Variants in TRIM69 observed in about 807,000 individuals in gnomAD.
TRIM69 encodes the protein E3 ubiquitin-protein ligase TRIM69.
Under a neutral mutation model 37.7 loss-of-function variants are expected in TRIM69, and 29 were observed. The ratio of observed to expected loss-of-function variants is 0.77; its 90% CI spans 0.57 to 1.05. The LOEUF is 1.05. Ranked by LOEUF, TRIM69 falls within the 50% of genes least tolerant of loss-of-function variation. TRIM69 has a pLI of 0.00. For synonymous variants in TRIM69, 209 were observed against 212.4 expected (o/e 0.98, Z 0.14); for missense variants, 596 against 579.9 (o/e 1.03, Z -0.28).
At chr15:44,740,488 AT>A (rs1465595571) in intron 1 of TRIM69, among the ~76,000 whole-genome samples, 1 of 152,240 alleles carries the variant, frequency 6.6e-6, no homozygotes, top group Non-Finnish European at 1.5e-5. Flanking sequence ...TTTGAAAAGA[AT>A]TTAGATGAAT....
chr15:44,759,985 C>A, intron 6 of TRIM69, 113 bp downstream of exon 6: 1 of 1,265,824 alleles, frequency 7.9e-7, no homozygotes, highest in Non-Finnish European at 1.1e-6. Context: ...GGAAGGGGTA[C>A]AGTTTGGCCA....
rs751577272 is a variant in TRIM69 at position 44,736,728 on chromosome 15, T to TC, written c.6+18_6+19insC. ...TCATGGAGGTGAGTGACCCTTTTTT[T>TC]TTTTAACTTAGCAGGGCTTCTAGGA... On this transcript the variant is annotated intron_variant, in intron 1 of 6. Coordinates refer to ENST00000329464, the MANE Select transcript of TRIM69 (RefSeq NM_182985.5). The TC allele has an allele frequency of 2.7e-5, 43 of 1,612,178 alleles. No homozygotes were observed. In the South Asian group the frequency reaches 4.6e-4, roughly 17 times the overall value.
At chr15:44,759,983 T>A in intron 6 of TRIM69, 111 bp downstream of exon 6, 1 of 1,313,774 alleles carries the variant, frequency 7.6e-7, no homozygotes, top group Non-Finnish European at 1.0e-6. Context: ...AGGGAAGGGG[T>A]ACAGTTTGGC....
At chr15:44,753,072 C>T (rs1329729976) in intron 1 of TRIM69, 1 of 152,110 alleles carries the variant, frequency 6.6e-6, no homozygotes, top group Non-Finnish European at 1.5e-5. Context: ...TTGGACTTTA[C>T]CTATGTAGCT....
At chr15:44,748,907 G>A (rs1188513336) in intron 1 of TRIM69, among the ~76,000 whole-genome samples, 1 of 150,930 alleles carries the variant, frequency 6.6e-6, no homozygotes, top group Non-Finnish European at 1.5e-5. Context: ...TTGAGATAGG[G>A]TCTTACTTTG....
chr15:44,744,629 T>C (rs1239881233), intron 1 of TRIM69, among the ~76,000 whole-genome samples: 3 of 152,132 alleles, frequency 2.0e-5, no homozygotes, highest in Non-Finnish European at 4.4e-5. Flanking sequence ...GTAAAATAAC[T>C]TTTTAACACT....
chr15:44,750,950 C>CTT lies in TRIM69; in HGVS notation c.7-3928_7-3927dup, dbSNP rs71111890. On this transcript the variant is annotated intron_variant, in intron 1 of 6. Transcript: ENST00000329464. ...TTCTATTTTGTTTCTTTTCTTTTGC[C>CTT]TTTTTTTTTTTTTTTTTTTTTTTGA... 2.4e-3 allele frequency among the ~76,000 whole-genome samples: 80 copies of CTT among 33,574 alleles called. 2 individuals carry two copies. The highest frequency in any genetic ancestry group is 6.1e-3 in the African/African-American group (50 of 8,194). The allele number at this position is 33,574 out of a possible 152,430, so 22.0% of individuals were successfully genotyped here.
intron 1 of TRIM69, among the ~76,000 whole-genome samples, chr15:44,740,398 T>G (rs1566887265): frequency 6.6e-6 from 1 of 152,212 alleles, no homozygotes; most frequent in Non-Finnish European, 1.5e-5. Flanking sequence ...TTTGACAAGT[T>G]GAGAGAAGAA....
intron 1 of TRIM69, 45 bp downstream of exon 1, chr15:44,736,755 T>G (rs374660357): frequency 6.8e-5 from 108 of 1,599,294 alleles, no homozygotes; most frequent in Admixed American, 1.4e-4. Flanking sequence ...CTTCTAGGAA[T>G]AGTGTGGAAA....
intron 1 of TRIM69, among the ~76,000 whole-genome samples, chr15:44,746,777 CAT>C (rs1009222508): frequency 2.1e-5 from 3 of 139,898 alleles, no homozygotes; most frequent in African/African-American, 7.8e-5. Context: ...CACACACACA[CAT>C]CTTTCTTTAA....
rs1177275308 is a variant in TRIM69 at position 44,754,881 on chromosome 15, T to C, written c.7-19T>C. ...GGCAACAAGAAAGATAAACTCATTT[T>C]AGCTGTTCTTTTCTAAAGGTATCCA... On this transcript the variant is annotated intron_variant, in intron 1 of 6. Coordinates refer to ENST00000329464, the MANE Select transcript of TRIM69 (RefSeq NM_182985.5). 8 of 1,553,522 alleles carry C rather than the reference T, an allele frequency of 5.1e-6. No individual in the cohort carries two copies. In the Admixed American group the frequency reaches 1.2e-4, roughly 24 times the overall value.
rs371429122 is a variant in TRIM69 at position 44,767,780 on chromosome 15, T to C, written c.*8T>C. ...ATCTTACATCCACAGTAATGAGTCA[T>C]AATATTATACAAATTCAGAGTGTTA... On this transcript the variant is annotated 3_prime_UTR_variant, in exon 7 of 7. Transcript: ENST00000329464. The C allele has an allele frequency of 4.7e-5, 75 of 1,598,758 alleles. No individual in the cohort carries two copies. Among genetic ancestry groups the C allele is most frequent in the Non-Finnish European group, 6.2e-5 (73 of 1,173,826 alleles).
chr15:44,753,340 G>A (rs2087574587), intron 1 of TRIM69: 1 of 152,006 alleles, frequency 6.6e-6, no homozygotes, highest in Admixed American at 6.6e-5. Context: ...TTGCCATGTT[G>A]TTCCTGGGCT....
Position 44,755,028 on chromosome 15 carries a change from T to C in TRIM69, c.135T>C (p.Asn45=). The C allele has an allele frequency of 1.9e-6, 3 of 1,614,230 alleles. No individual in the cohort carries two copies. The highest frequency in any genetic ancestry group is 2.5e-6 in the Non-Finnish European group (3 of 1,180,040). Residue 45 remains asparagine (N), a synonymous_variant, in exon 2 of 7, where the codon AAT becomes AAC. Transcript: ENST00000329464. ...ITMELHCPLC[N]DWFRDPLMLS... is the part of the protein sequence containing the mutation. ...TGGAGCTACACTGCCCTCTGTGCAA[T>C]GATTGGTTCCGAGACCCACTGATGC...
In TRIM69 at chr15:44,767,397, A is replaced by C; in HGVS notation, c.1128A>C (p.Gly376=). The change falls in exon 7 of 7, where the codon GGA becomes GGC. Residue 376 remains glycine, a synonymous_variant. Coordinates refer to ENST00000329464, the MANE Select transcript of TRIM69 (RefSeq NM_182985.5). ...TGGGCTCAAGAGGCTTCACCTCTGG[A>C]AAGTGGTACTGGGAAGTAGAAGTAG... ...AVLGSRGFTS[G]KWYWEVEVAK... 6.2e-7 allele frequency: 1 copy of C among 1,614,134 alleles called. No individual in the cohort carries two copies. Among genetic ancestry groups the C allele is most frequent in the Non-Finnish European group, 8.5e-7 (1 of 1,180,020 alleles).
At chr15:44,756,677 C>G in intron 3 of TRIM69, 1 of 425,758 alleles carries the variant, frequency 2.3e-6, no homozygotes, top group Non-Finnish European at 4.2e-6. Context: ...AACCTTTCCC[C>G]TAATATGCTG....
Position 44,748,551 on chromosome 15 carries a change from G to A in TRIM69, c.7-6349G>A, listed in dbSNP as rs370871105. On this transcript the variant is annotated intron_variant, in intron 1 of 6. Transcript: ENST00000329464. ...TAAAAATTCTGGCTCTGGGCTGGGC[G>A]TGGTGGCTCATGCCTGTAATCTCAG... is the stretch of plus-strand genomic sequence containing the variant. Among the ~76,000 whole-genome samples the A allele has an allele frequency of 2.4e-4, 36 of 151,958 alleles. 2 individuals are homozygous for A. The highest frequency in any genetic ancestry group is 1.7e-3 in the East Asian group (9 of 5,144).
At chr15:44,766,587 C>A (rs2087892034) in intron 6 of TRIM69, among the ~76,000 whole-genome samples, 1 of 152,104 alleles carries the variant, frequency 6.6e-6, no homozygotes. Context: ...CCTAGAACAT[C>A]CTTACCTAAT....
At chr15:44,758,875 G>A (rs1266087029) in intron 4 of TRIM69, 21 bp downstream of exon 4, 3 of 1,599,938 alleles carry the variant, frequency 1.9e-6, no homozygotes, top group Non-Finnish European at 2.6e-6. Flanking sequence ...ACACCAATAT[G>A]ATTATGGGTA....
Sources: allele counts gnomAD v4.1 joint callset (sites outside exome capture counted in the v4.1 genomes callset), GRCh38; gene constraint gnomAD v4.1.1; transcripts MANE v1.5; gene names NCBI Gene and HGNC (gene_info 2026-07-23, HGNC 2026-07-21).